The following LRRC63 variants were observed in gnomAD, a reference collection of about 807,000 sequenced individuals.
LRRC63 encodes the protein leucine rich repeat containing 63.
LRRC63 carries 40 observed loss-of-function variants against 49.5 expected under a neutral mutation model. That is an observed-to-expected ratio of 0.81 (90% confidence interval 0.63 to 1.05). The LOEUF (loss-of-function observed/expected upper bound fraction) is 1.05. Among genes scored for constraint, LRRC63 ranks in the 50% least tolerant of loss-of-function variants. LRRC63 has a pLI of 0.00. For missense variants in LRRC63, 636 were observed against 663.1 expected (o/e 0.96, Z 0.45); for synonymous variants, 191 against 221.1 (o/e 0.86, Z 1.21).
chr13:46,236,176 C>T (rs1281268268), intron 5 of LRRC63, among the ~76,000 whole-genome samples: 1 of 151,702 alleles, frequency 6.6e-6, no homozygotes, highest in Non-Finnish European at 1.5e-5. Flanking sequence ...ACCTCTGGAA[C>T]ATCATCAAGT....
rs148138083 is a variant in LRRC63, at chr13:46,276,532, GCA to G, written c.1551-55_1551-54del. On this transcript the variant is annotated intron_variant, in intron 9 of 9. Coordinates refer to ENST00000595396, the Ensembl canonical transcript of LRRC63. ...TTTATACTATTTGGAGTCTTGCATA[GCA>G]CAGAGTCTTTAGTAAAAATTTATTA... 8.7e-4 allele frequency: 741 copies of G among 849,792 alleles called. 2 individuals are homozygous for G. The African/African-American group carries it at 0.012, about 14-fold the overall frequency. 52.6% of individuals were successfully genotyped at this position (849,792 alleles called of 1,614,324 possible).
intron 9 of LRRC63, among the ~76,000 whole-genome samples, chr13:46,271,460 A>AG (rs2047757740): frequency 6.6e-6 from 1 of 152,228 alleles, no homozygotes. Context: ...TATGCCAACA[A>AG]GATGGCCTTC....
rs141736720 is a variant in LRRC63 at position 46,260,910 on chromosome 13, G to A, written c.1227-999G>A. On this transcript the variant is annotated intron_variant, in intron 7 of 9. Coordinates refer to ENST00000595396, the Ensembl canonical transcript of LRRC63. ...GTTGGCGAAAAATTCTGCTCATGAT[G>A]CCTTAGTTAAAAATCATACAAATAA... is the stretch of plus-strand genomic sequence containing the variant. 3.5e-3 allele frequency among the ~76,000 whole-genome samples: 537 copies of A among 152,256 alleles called. 5 individuals carry two copies. Among genetic ancestry groups the A allele is most frequent in the African/African-American group, 0.012 (508 of 41,540 alleles).
At chr13:46,271,411 G>A (rs1256435029) in intron 9 of LRRC63, among the ~76,000 whole-genome samples, 1 of 152,154 alleles carries the variant, frequency 6.6e-6, no homozygotes, top group Non-Finnish European at 1.5e-5. Context: ...TAGGTTGTAG[G>A]GAAGAGGCTG....
At chr13:46,269,989 C>T in intron 9 of LRRC63, 1 of 343,162 alleles carries the variant, frequency 2.9e-6, no homozygotes, top group Non-Finnish European at 5.5e-6. Context: ...CCATGGGTAG[C>T]ACTGAACCTT....
intron 9 of LRRC63, among the ~76,000 whole-genome samples, chr13:46,275,751 TG>T (rs1258203137): frequency 6.6e-6 from 1 of 152,130 alleles, no homozygotes; most frequent in African/African-American, 2.4e-5. Context: ...TTCTGTAGGC[TG>T]TTGATTCTGT....
Position 46,226,560 on chromosome 13 carries a change from C to G in LRRC63, c.86-952C>G, listed in dbSNP as rs528940610. Among the ~76,000 whole-genome samples, 159 of 152,140 alleles carry G rather than the reference C, an allele frequency of 1.0e-3. 1 individual carries two copies. Among genetic ancestry groups the G allele is most frequent in the Admixed American group, 6.1e-3 (93 of 15,290 alleles). On this transcript the variant is annotated intron_variant, in intron 2 of 9. Transcript: ENST00000595396. ...GGGGAAGAGTGAGATGTTACTTTCTCCTTGTGGCATATATTCCTCTTCTCT... is the reference window on the plus strand; with the variant it reads ...GGGGAAGAGTGAGATGTTACTTTCTGCTTGTGGCATATATTCCTCTTCTCT...
At chr13:46,255,645 A>AAAAAAAAAAAATAT (rs1555328641) in intron 7 of LRRC63, among the ~76,000 whole-genome samples, 3 of 129,454 alleles carry the variant, frequency 2.3e-5, no homozygotes, top group African/African-American at 8.7e-5. Context: ...CCCTGCCTCA[A>AAAAAAAAAAAATAT]ATATATATAT....
chr13:46,229,514 T>C (rs2138414294), intron 4 of LRRC63, among the ~76,000 whole-genome samples: 1 of 152,162 alleles, frequency 6.6e-6, no homozygotes, highest in Admixed American at 6.5e-5. Flanking sequence ...AAGTAGAATG[T>C]GGTGGTTTTA....
intron 2 of LRRC63, among the ~76,000 whole-genome samples, chr13:46,222,107 G>A (rs2046422541): frequency 6.6e-6 from 1 of 152,112 alleles, no homozygotes; most frequent in Non-Finnish European, 1.5e-5. Context: ...CTAATGATTA[G>A]TGATATAGAA....
At chr13:46,254,599 G>A (rs2047462459) in intron 7 of LRRC63, among the ~76,000 whole-genome samples, 1 of 152,180 alleles carries the variant, frequency 6.6e-6, no homozygotes. Context: ...TCAGTTGAGA[G>A]AGGTTACTAT....
At chr13:46,232,603 G>T (rs551162445) in intron 4 of LRRC63, among the ~76,000 whole-genome samples, 3 of 152,158 alleles carry the variant, frequency 2.0e-5, no homozygotes, top group Non-Finnish European at 4.4e-5. Context: ...TGATAATGGT[G>T]TTTTCTGCCT....
At chr13:46,232,184 T>C (rs1038392495) in intron 4 of LRRC63, among the ~76,000 whole-genome samples, 1 of 152,166 alleles carries the variant, frequency 6.6e-6, no homozygotes, top group Admixed American at 6.6e-5. Context: ...CCATAGGAGA[T>C]CTGCCCCCAT....
At chr13:46,261,696 C>G (rs980704448) in intron 7 of LRRC63, among the ~76,000 whole-genome samples, 2 of 152,174 alleles carry the variant, frequency 1.3e-5, no homozygotes, top group African/African-American at 4.8e-5. Flanking sequence ...GCTTTGTCCA[C>G]TCCAAAAATC....
At position 46,254,263 on chromosome 13, in the gene LRRC63, G is replaced by A. The variant is rs556985373; in HGVS notation, c.1226+3772G>A. On this transcript the variant is annotated intron_variant, in intron 7 of 9. Coordinates refer to ENST00000595396, the Ensembl canonical transcript of LRRC63. ...ATGTGAGAAGAGTGATTAGACAAAA[G>A]CTATAGAGAAAGTGGGATCTTAGAA... Among the ~76,000 whole-genome samples, 3 of 152,206 alleles carry A rather than the reference G, an allele frequency of 2.0e-5. No individual in the cohort carries two copies. The East Asian group carries it at 5.8e-4, about 29-fold the overall frequency.
At chr13:46,243,750 A>G (rs890652479) in intron 5 of LRRC63, among the ~76,000 whole-genome samples, 1 of 152,154 alleles carries the variant, frequency 6.6e-6, no homozygotes, top group Non-Finnish European at 1.5e-5. Context: ...GTGCTGGGAT[A>G]ACAGGCATGA....
At chr13:46,270,236 C>T in intron 9 of LRRC63, 1 of 878,420 alleles carries the variant, frequency 1.1e-6, no homozygotes, top group Non-Finnish European at 2.0e-6. Context: ...GGCAGAATCT[C>T]ATCCAGTTCT....
rs1555328641 is a variant in LRRC63 at position 46,255,645 on chromosome 13, A to AAAAAAAAAAAAAAAATATATATAT, written c.1226+5155_1226+5156insAAAAAAAAAAAAAATATATATATA. Among the ~76,000 whole-genome samples, 44 of 129,442 alleles carry AAAAAAAAAAAAAAAATATATATAT rather than the reference A, an allele frequency of 3.4e-4. 1 individual carries two copies. Among genetic ancestry groups the AAAAAAAAAAAAAAAATATATATAT allele is most frequent in the African/African-American group, 1.3e-3 (43 of 34,342 alleles). The allele number at this position is 129,442 out of a possible 152,430, so 84.9% of individuals were successfully genotyped here. A position where few individuals can be genotyped will look rare whatever the true frequency, so the allele number is the denominator to read the frequency against. The stretch of plus-strand genomic sequence containing the variant: ...GGCAACAGAGTAAGACCCTGCCTCA[A>AAAAAAAAAAAAAAAATATATATAT]ATATATATATATATATATATAGTTA... On this transcript the variant is annotated intron_variant, in intron 7 of 9. Transcript: ENST00000595396.
At chr13:46,241,052 G>A (rs2047047681) in intron 5 of LRRC63, among the ~76,000 whole-genome samples, 2 of 152,204 alleles carry the variant, frequency 1.3e-5, no homozygotes, top group African/African-American at 4.8e-5. Context: ...AAAGAGAAAA[G>A]CTAGAGGCAT....
Sources: allele counts gnomAD v4.1 joint callset (sites outside exome capture counted in the v4.1 genomes callset), GRCh38; gene constraint gnomAD v4.1.1; transcripts MANE v1.5; gene names NCBI Gene and HGNC (gene_info 2026-07-23, HGNC 2026-07-21).